The following ACSM1 variants were observed in gnomAD, a reference collection of about 807,000 sequenced individuals.
ACSM1 encodes acyl-coenzyme A synthetase ACSM1, mitochondrial.
ACSM1 carries 79 observed loss-of-function variants against 75.8 expected under a neutral mutation model. That is an observed-to-expected ratio of 1.04 (90% CI 0.87 to 1.26). The LOEUF (loss-of-function observed/expected upper bound fraction) is 1.26, where lower values mean the gene tolerates loss of function less well. Among genes scored for constraint, ACSM1 ranks in the 50% most tolerant of loss-of-function variants. The pLI is 0.00. For missense variants in ACSM1, 676 were observed against 720.1 expected, an observed-to-expected ratio of 0.94 and a Z score of 0.70; for synonymous variants, 279 against 265.8, an observed-to-expected ratio of 1.05 and a Z score of -0.48.
intron 4 of ACSM1, among the ~76,000 whole-genome samples, chr16:20,678,862 G>A (rs1482494387): frequency 6.6e-6 from 1 of 152,102 alleles, no homozygotes; most frequent in African/African-American, 2.4e-5. Flanking sequence ...TCCAAGTCAG[G>A]TGCACCTCCA....
At chr16:20,668,691 AAAG>A (rs1371962318) in intron 6 of ACSM1, among the ~76,000 whole-genome samples, 2 of 152,130 alleles carry the variant, frequency 1.3e-5, no homozygotes, top group Non-Finnish European at 2.9e-5. Context: ...AATTGCTTAG[AAAG>A]AAGAACAGTA....
At chr16:20,671,440 G>GAA (rs71377675) in intron 5 of ACSM1, 91 bp downstream of exon 5, 1 of 969,886 alleles carries the variant, frequency 1.0e-6, no homozygotes, top group Non-Finnish European at 1.4e-6. Flanking sequence ...CCTTTCCCAA[G>GAA]ACACACACAC....
At chr16:20,695,809 T>A (rs2079687040) in intron 1 of ACSM1, among the ~76,000 whole-genome samples, 1 of 152,166 alleles carries the variant, frequency 6.6e-6, no homozygotes, top group African/African-American at 2.4e-5. Flanking sequence ...TAAGCTTCAT[T>A]TCTAAATCTA....
intron 7 of ACSM1, among the ~76,000 whole-genome samples, chr16:20,645,153 C>A (rs1393527815): frequency 6.6e-6 from 1 of 152,188 alleles, no homozygotes; most frequent in Admixed American, 6.5e-5. Flanking sequence ...AATCCAGCAG[C>A]CCATACCCCT....
chr16:20,647,522 G>C (rs2018432479), intron 7 of ACSM1, among the ~76,000 whole-genome samples: 1 of 152,136 alleles, frequency 6.6e-6, no homozygotes, highest in Non-Finnish European at 1.5e-5. Context: ...AAGGGAAAGG[G>C]GAGATATGTG....
intron 1 of ACSM1, among the ~76,000 whole-genome samples, chr16:20,693,408 A>G (rs1282211042): frequency 6.6e-6 from 1 of 152,212 alleles, no homozygotes; most frequent in African/African-American, 2.4e-5. Flanking sequence ...TGATTGGAAA[A>G]AATGGCTTAA....
In ACSM1 at chr16:20,671,644, A is replaced by C; in HGVS notation, c.639T>G (p.Val213=). The C allele has an allele frequency of 6.2e-7, 1 of 1,609,112 alleles. No individual in the cohort carries two copies. Among genetic ancestry groups the C allele is most frequent in the Non-Finnish European group, 8.5e-7 (1 of 1,177,492 alleles). Residue 213 remains valine, a synonymous_variant, in exon 5 of 14, where the codon GTT becomes GTG. Coordinates refer to ENST00000520010, the MANE Select transcript of ACSM1 (RefSeq NM_001318890.3). ...CCATTGGGTCCAAGGTCTTTGACTTAACACAGGTGTGTTCTGGGGATGCTG... is the reference window on the plus strand; with the variant it reads ...CCATTGGGTCCAAGGTCTTTGACTTCACACAGGTGTGTTCTGGGGATGCTG... ...VKSASPEHTC[V]KSKTLDPMVI...
chr16:20,672,357 A>G lies in ACSM1; in HGVS notation c.612-686T>C, dbSNP rs188488911. ...CAGCTACTCGGGAGGCTGAGCCAGG[A>G]GATTAGTTGTGAACCTGGGAGGCTG... On this transcript the variant is annotated intron_variant, in intron 4 of 13. Transcript: ENST00000520010. 7.4e-3 allele frequency among the ~76,000 whole-genome samples: 1,080 copies of G among 145,094 alleles called. 20 individuals are homozygous for G. Among genetic ancestry groups the G allele is most frequent in the African/African-American group, 0.027 (1,052 of 38,954 alleles).
chr16:20,687,582 ACATGGCT>A (rs2079575957), intron 2 of ACSM1, among the ~76,000 whole-genome samples: 1 of 152,168 alleles, frequency 6.6e-6, no homozygotes, highest in Non-Finnish European at 1.5e-5. Context: ...GAGCAGGAAA[ACATGGCT>A]CATTCAAGGG....
intron 7 of ACSM1, among the ~76,000 whole-genome samples, chr16:20,642,166 A>G (rs2018100309): frequency 1.3e-5 from 2 of 152,230 alleles, no homozygotes; most frequent in Admixed American, 1.3e-4. Flanking sequence ...CAACGTGGGC[A>G]CTAATAAAAG....
At chr16:20,632,876 G>A (rs1184953573) in intron 10 of ACSM1, among the ~76,000 whole-genome samples, 1 of 152,036 alleles carries the variant, frequency 6.6e-6, no homozygotes, top group Non-Finnish European at 1.5e-5. Context: ...ACATACAAAA[G>A]TCAACAAATA....
chr16:20,644,280 T>A (rs1377279072), intron 7 of ACSM1, among the ~76,000 whole-genome samples: 1 of 152,178 alleles, frequency 6.6e-6, no homozygotes, highest in Non-Finnish European at 1.5e-5. Flanking sequence ...GAAACCTAAT[T>A]GTGAGCACAC....
chr16:20,676,827 A>G (rs987001380), intron 4 of ACSM1, among the ~76,000 whole-genome samples: 4 of 152,154 alleles, frequency 2.6e-5, no homozygotes, highest in Admixed American at 2.6e-4. Flanking sequence ...TGCCCCAAAA[A>G]ATAAATAAAT....
chr16:20,625,307 G>A (rs1002972408), intron 12 of ACSM1, 116 bp downstream of exon 12: 9 of 961,108 alleles, frequency 9.4e-6, no homozygotes, highest in South Asian at 8.1e-5. Flanking sequence ...CCGTGTAAAC[G>A]CACATGCACA....
At chr16:20,677,742 G>A (rs7202947) in intron 4 of ACSM1, among the ~76,000 whole-genome samples, 26,812 of 152,032 alleles carry the variant, frequency 0.18, 2,875 homozygotes, top group East Asian at 0.5. Flanking sequence ...AGAAACTTCT[G>A]CTTAGAAAGC....
At chr16:20,644,346 C>T (rs1475327621) in intron 7 of ACSM1, among the ~76,000 whole-genome samples, 3 of 152,230 alleles carry the variant, frequency 2.0e-5, no homozygotes, top group African/African-American at 7.2e-5. Flanking sequence ...AGCTTACTAA[C>T]TTAAAAATCT....
chr16:20,638,355 A>G (rs1353374148), intron 8 of ACSM1, among the ~76,000 whole-genome samples: 1 of 152,238 alleles, frequency 6.6e-6, no homozygotes, highest in Non-Finnish European at 1.5e-5. Context: ...CAAGGGAAAG[A>G]TTCTCTTTCT....
chr16:20,623,588 G>C lies in ACSM1; in HGVS notation c.1648-16C>G. 1.2e-6 allele frequency: 2 copies of C among 1,610,352 alleles called. No homozygotes were observed. Among genetic ancestry groups the C allele is most frequent in the East Asian group, 2.2e-5 (1 of 44,872 alleles). ...CAAACTCCACCTGGTTGAGGATAAAGCAAATCCACAGTGATTGAGTCCTGC... is the reference window on the plus strand; with the variant it reads ...CAAACTCCACCTGGTTGAGGATAAACCAAATCCACAGTGATTGAGTCCTGC... On this transcript the variant is annotated splice_polypyrimidine_tract_variant and intron_variant, in intron 13 of 13. Transcript: ENST00000520010.
At chr16:20,638,252 G>A (rs1179183383) in intron 8 of ACSM1, among the ~76,000 whole-genome samples, 1 of 152,156 alleles carries the variant, frequency 6.6e-6, no homozygotes. Context: ...CAGAGTGCTT[G>A]TAAGCATATG....
Sources: allele counts gnomAD v4.1 joint callset (sites outside exome capture counted in the v4.1 genomes callset), GRCh38; gene constraint gnomAD v4.1.1; transcripts MANE v1.5; gene names NCBI Gene and HGNC (gene_info 2026-07-23, HGNC 2026-07-21).